MRPS35: variants seen among roughly 807,000 people sequenced by gnomAD.
MRPS35 encodes the protein mitochondrial ribosomal protein S35.
A neutral mutation model predicts 32.7 loss-of-function variants in MRPS35; 29 were observed. The ratio of observed to expected loss-of-function variants is 0.89; its 90% CI spans 0.66 to 1.21. MRPS35 has a LOEUF of 1.21. MRPS35 is among the 50% of genes most tolerant of loss of function. The pLI, the probability that MRPS35 is intolerant of heterozygous loss-of-function variation, is 0.00. For synonymous variants in MRPS35, 148 were observed against 139.3 expected (o/e 1.06, Z -0.44); for missense variants, 373 against 383.8 (o/e 0.97, Z 0.23).
intron 5 of MRPS35, among the ~76,000 whole-genome samples, chr12:27,730,562 A>G (rs1018181516): frequency 6.6e-6 from 1 of 152,024 alleles, no homozygotes; most frequent in Non-Finnish European, 1.5e-5. Flanking sequence ...TGATCCTCCC[A>G]CCTTTGTTTC....
intron 7 of MRPS35, among the ~76,000 whole-genome samples, chr12:27,752,418 C>T (rs928610764): frequency 2.6e-5 from 4 of 152,150 alleles, no homozygotes; most frequent in Non-Finnish European, 1.5e-5. Context: ...AATTCCTCTG[C>T]GTAAGCATCT....
chr12:27,738,063 G>T (rs1332075203), intron 7 of MRPS35, among the ~76,000 whole-genome samples: 3 of 152,108 alleles, frequency 2.0e-5, no homozygotes, highest in Non-Finnish European at 4.4e-5. Flanking sequence ...TATGCATTAG[G>T]TAGAACTAAG....
chr12:27,737,447 T>C, intron 6 of MRPS35, 92 bp from the exon 7 acceptor site: 1 of 821,736 alleles, frequency 1.2e-6, no homozygotes, highest in Non-Finnish European at 2.1e-6. Context: ...CTGAAAACAT[T>C]ATCTTCTGTA....
At chr12:27,713,522 G>A (rs2061836377) in intron 1 of MRPS35, among the ~76,000 whole-genome samples, 1 of 152,018 alleles carries the variant, frequency 6.6e-6, no homozygotes, top group Admixed American at 6.5e-5. Flanking sequence ...AAAGGCTGGA[G>A]CACCTGGAGT....
intron 7 of MRPS35, among the ~76,000 whole-genome samples, chr12:27,748,606 C>T (rs2061989273): frequency 6.6e-6 from 1 of 151,578 alleles, no homozygotes; most frequent in Non-Finnish European, 1.5e-5. Context: ...TTTTAATTGC[C>T]CCCAGTAATT....
intron 3 of MRPS35, among the ~76,000 whole-genome samples, chr12:27,717,741 G>C (rs2061856727): frequency 6.6e-6 from 1 of 152,226 alleles, no homozygotes; most frequent in African/African-American, 2.4e-5. Flanking sequence ...CTGGGTGAGA[G>C]AGTAGCGGTA....
rs564962546 is a variant in MRPS35 at position 27,741,881 on chromosome 12, C to T, written c.702+4273C>T. Among the ~76,000 whole-genome samples the T allele has an allele frequency of 2.0e-5, 3 of 152,194 alleles. No individual in the cohort carries two copies. In the South Asian group the frequency reaches 6.2e-4, roughly 32 times the overall value. On this transcript the variant is annotated intron_variant, in intron 7 of 7. Transcript: ENST00000081029. Reference sequence around the variant, plus strand: ...GTTGCTTTTTTACATTTTAAAATTTCGGCTGTCTTATTTGGATTTCATGAT... The same window carrying T: ...GTTGCTTTTTTACATTTTAAAATTTTGGCTGTCTTATTTGGATTTCATGAT...
intron 3 of MRPS35, among the ~76,000 whole-genome samples, chr12:27,716,993 GA>G (rs35366140): frequency 2.1e-4 from 31 of 145,964 alleles, no homozygotes; most frequent in Middle Eastern, 3.5e-3. Context: ...TCTGTCTCAG[GA>G]AAAAAAAAAA....
intron 5 of MRPS35, among the ~76,000 whole-genome samples, chr12:27,733,677 A>C (rs2061931384): frequency 6.6e-6 from 1 of 152,182 alleles, no homozygotes; most frequent in African/African-American, 2.4e-5. Context: ...ATTGGTTTTA[A>C]TCAGAGTATA....
At chr12:27,726,663 A>G (rs1219751976) in intron 5 of MRPS35, among the ~76,000 whole-genome samples, 1 of 152,102 alleles carries the variant, frequency 6.6e-6, no homozygotes, top group Non-Finnish European at 1.5e-5. Context: ...ACTAATGGTT[A>G]TTACCTGTCC....
intron 3 of MRPS35, among the ~76,000 whole-genome samples, chr12:27,718,992 G>A (rs569734096): frequency 6.6e-6 from 1 of 152,092 alleles, no homozygotes; most frequent in South Asian, 2.1e-4. Flanking sequence ...GAGGCTGAGG[G>A]AGGAGAATTG....
At chr12:27,733,737 C>A (rs987144743) in intron 5 of MRPS35, among the ~76,000 whole-genome samples, 4 of 152,156 alleles carry the variant, frequency 2.6e-5, no homozygotes, top group African/African-American at 9.7e-5. Context: ...TTGATACATT[C>A]TCTTTCCAGA....
intron 7 of MRPS35, among the ~76,000 whole-genome samples, chr12:27,753,904 G>A (rs7309987): frequency 0.58 from 87,628 of 152,034 alleles, 26,193 homozygotes; most frequent in African/African-American, 0.75. Context: ...AAGAAAAAAC[G>A]AGTAGTAACA....
At chr12:27,752,089 T>A (rs10718532) in intron 7 of MRPS35, among the ~76,000 whole-genome samples, 9,052 of 31,780 alleles carry the variant, frequency 0.28, 345 homozygotes, top group Admixed American at 0.33. Context: ...AAAAAAAAAA[T>A]AAAATAAAAT....
chr12:27,732,993 T>G (rs1329404063), intron 5 of MRPS35, among the ~76,000 whole-genome samples: 6 of 394 alleles, frequency 0.015, no homozygotes, highest in East Asian at 0.11. Context: ...TGAAGATATA[T>G]ATATATATAT....
At chr12:27,719,672 C>CA (rs34620750) in intron 3 of MRPS35, 136 bp from the exon 4 acceptor site, 109,716 of 400,362 alleles carry the variant, frequency 0.27, 1,264 homozygotes, top group South Asian at 0.3. Context: ...GACTCTGTCT[C>CA]AAAAAAAAAA....
chr12:27,717,017 A>C (rs910754700), intron 3 of MRPS35, among the ~76,000 whole-genome samples: 27 of 152,068 alleles, frequency 1.8e-4, no homozygotes, highest in African/African-American at 6.0e-4. Flanking sequence ...GTAATTAGTC[A>C]ATCTTGTGGC....
chr12:27,721,647 T>C (rs1045689804), intron 4 of MRPS35, among the ~76,000 whole-genome samples: 30 of 152,076 alleles, frequency 2.0e-4, no homozygotes, highest in African/African-American at 7.2e-4. Flanking sequence ...CAAAGTGAGA[T>C]CCTGTCTCAA....
chr12:27,735,398 A>G (rs953466167), intron 5 of MRPS35, 49 bp from the exon 6 acceptor site: 1 of 1,392,136 alleles, frequency 7.2e-7, no homozygotes. Flanking sequence ...TTTTTTCACT[A>G]AACAATTATA....
Sources: allele counts gnomAD v4.1 joint callset (sites outside exome capture counted in the v4.1 genomes callset), GRCh38; gene constraint gnomAD v4.1.1; transcripts MANE v1.5; gene names NCBI Gene and HGNC (gene_info 2026-07-23, HGNC 2026-07-21).